The following DCDC1 variants were observed in gnomAD, a reference collection of about 807,000 sequenced individuals.
The protein encoded by DCDC1 is doublecortin domain containing 1, also known as doublecortin domain-containing protein 1.
A neutral mutation model predicts 178.3 loss-of-function variants in DCDC1; 200 were observed. The ratio of observed to expected loss-of-function variants is 1.12; its 90% CI spans 1.00 to 1.26. DCDC1 has a LOEUF of 1.26. DCDC1 is among the 50% of genes most tolerant of loss of function. The pLI is 0.00. For synonymous variants in DCDC1, 690 were observed against 604.8 expected, an observed-to-expected ratio of 1.14 and a Z score of -2.07; for missense variants, 1,983 against 1,749.2, an observed-to-expected ratio of 1.13 and a Z score of -2.38.
chr11:30,906,720 GTA>G lies in DCDC1; in HGVS notation c.3922_3923del (p.Tyr1308LeufsTer6). The part of the protein sequence containing the change: ...IKEENIDQPG[Y>X]CYLSPDGKRK... ...TCTTTCCATCAGGTGAGAGATAACA[GTA>G]TCCCTAAAATGGGAGACAAAGATGG... On this transcript the variant is annotated frameshift_variant, in exon 30 of 39. Coordinates refer to ENST00000684477, the MANE Select transcript of DCDC1 (RefSeq NM_001387274.1). LOFTEE classifies it high-confidence loss of function. 1 of 1,612,140 alleles carries G rather than the reference GTA, an allele frequency of 6.2e-7. No individual in the cohort carries two copies.
intron 37 of DCDC1, among the ~76,000 whole-genome samples, chr11:30,879,252 T>C (rs1942421751): frequency 6.6e-6 from 1 of 152,204 alleles, no homozygotes; most frequent in Non-Finnish European, 1.5e-5. Context: ...CTTTATTTTC[T>C]TCCTACATAC....
intron 9 of DCDC1, among the ~76,000 whole-genome samples, chr11:31,182,371 G>A (rs548737669): frequency 1.6e-4 from 25 of 152,202 alleles, no homozygotes; most frequent in Non-Finnish European, 3.1e-4. Context: ...CAGACTAACA[G>A]CAGATCTCTC....
chr11:31,336,727 A>G (rs1268466825), intron 1 of DCDC1, among the ~76,000 whole-genome samples: 1 of 152,236 alleles, frequency 6.6e-6, no homozygotes, highest in East Asian at 1.9e-4. Flanking sequence ...TAACTGAGAC[A>G]TATGGCTGCC....
chr11:31,322,946 C>A (rs1293984104), intron 3 of DCDC1, among the ~76,000 whole-genome samples: 2 of 152,050 alleles, frequency 1.3e-5, no homozygotes, highest in South Asian at 2.1e-4. Context: ...ACTGACAATC[C>A]GAATTACTTT....
chr11:31,291,026 C>T (rs1377632424), intron 6 of DCDC1, among the ~76,000 whole-genome samples, 174 bp from the exon 7 acceptor site: 1 of 152,004 alleles, frequency 6.6e-6, no homozygotes, highest in Non-Finnish European at 1.5e-5. Flanking sequence ...TAAGCTGTAG[C>T]AAGCTGTCTG....
At chr11:30,912,793 T>C (rs948025147) in intron 27 of DCDC1, among the ~76,000 whole-genome samples, 4 of 152,112 alleles carry the variant, frequency 2.6e-5, no homozygotes, top group African/African-American at 9.7e-5. Flanking sequence ...AGCCATAGGG[T>C]GATATATATT....
intron 8 of DCDC1, among the ~76,000 whole-genome samples, chr11:31,252,861 G>A (rs1437160126): frequency 6.6e-6 from 1 of 152,032 alleles, no homozygotes; most frequent in Non-Finnish European, 1.5e-5. Flanking sequence ...AACAAGCAGT[G>A]ACGGGATGGA....
intron 21 of DCDC1, among the ~76,000 whole-genome samples, chr11:30,946,091 A>G (rs925282258): frequency 3.9e-5 from 6 of 152,166 alleles, no homozygotes; most frequent in South Asian, 2.1e-4. Flanking sequence ...TGAAAACTCA[A>G]TAAATCATAT....
intron 9 of DCDC1, among the ~76,000 whole-genome samples, chr11:31,236,294 T>C (rs959969542): frequency 2.0e-5 from 3 of 152,078 alleles, no homozygotes; most frequent in African/African-American, 7.2e-5. Context: ...ACAGTCGATC[T>C]CCACATATCC....
intron 9 of DCDC1, among the ~76,000 whole-genome samples, chr11:31,165,432 T>C (rs1966686277): frequency 6.6e-6 from 1 of 152,020 alleles, no homozygotes; most frequent in South Asian, 2.1e-4. Flanking sequence ...CCACCTCAGC[T>C]TTTTGAGCAG....
chr11:31,170,558 T>C (rs1417966428), intron 9 of DCDC1, among the ~76,000 whole-genome samples: 1 of 152,226 alleles, frequency 6.6e-6, no homozygotes, highest in Non-Finnish European at 1.5e-5. Flanking sequence ...AAAAGAATAT[T>C]GATATTCCTC....
intron 20 of DCDC1, among the ~76,000 whole-genome samples, chr11:30,989,494 A>AGTC (rs772895291): frequency 8.5e-5 from 13 of 152,184 alleles, no homozygotes; most frequent in Non-Finnish European, 1.8e-4. Context: ...GAGAATCTGT[A>AGTC]GTCCTCTTTA....
intron 9 of DCDC1, among the ~76,000 whole-genome samples, chr11:31,208,627 T>C (rs1408961802): frequency 6.6e-6 from 1 of 152,124 alleles, no homozygotes; most frequent in Non-Finnish European, 1.5e-5. Context: ...AGAAACTCCT[T>C]ACCATGCTCC....
chr11:31,125,787 T>G (rs1591135056), intron 11 of DCDC1, among the ~76,000 whole-genome samples: 1 of 151,576 alleles, frequency 6.6e-6, no homozygotes, highest in African/African-American at 2.4e-5. Flanking sequence ...GGCGGTTGGG[T>G]GGGGGGTAGA....
At chr11:31,022,316 T>TATA (rs1952925821) in intron 20 of DCDC1, among the ~76,000 whole-genome samples, 2 of 152,154 alleles carry the variant, frequency 1.3e-5, no homozygotes, top group Admixed American at 6.5e-5. Flanking sequence ...CTGCCTCTAT[T>TATA]GACAGATAGT....
intron 20 of DCDC1, among the ~76,000 whole-genome samples, chr11:31,015,113 A>T (rs919938954): frequency 1.3e-5 from 2 of 151,692 alleles, no homozygotes; most frequent in Admixed American, 1.3e-4. Context: ...TGCCCGGCTA[A>T]TTTTTTTGTA....
chr11:31,086,548 T>C (rs1228098472), intron 17 of DCDC1, among the ~76,000 whole-genome samples: 2 of 152,238 alleles, frequency 1.3e-5, no homozygotes, highest in Non-Finnish European at 2.9e-5. Flanking sequence ...ATGTTTAATA[T>C]TGTTGAAGTG....
chr11:30,906,472 T>C (rs1024221369), intron 30 of DCDC1, 68 bp downstream of exon 30: 3 of 1,484,854 alleles, frequency 2.0e-6, no homozygotes, highest in East Asian at 2.4e-5. Context: ...GCAAGGCAGA[T>C]AATGAATGCA....
intron 11 of DCDC1, among the ~76,000 whole-genome samples, chr11:31,114,361 T>C (rs1195537072): frequency 6.6e-6 from 1 of 152,156 alleles, no homozygotes; most frequent in East Asian, 1.9e-4. Flanking sequence ...GCCCTAAAGC[T>C]TAAGTTTCAT....
Sources: allele counts gnomAD v4.1 joint callset (sites outside exome capture counted in the v4.1 genomes callset), GRCh38; gene constraint gnomAD v4.1.1; transcripts MANE v1.5; gene names NCBI Gene and HGNC (gene_info 2026-07-23, HGNC 2026-07-21).